Variants in OGT observed in about 807,000 individuals in gnomAD.
The protein encoded by OGT is O-linked N-acetylglucosamine (GlcNAc) transferase.
A neutral mutation model predicts 75.8 loss-of-function variants in OGT; 3 were observed. The observed-to-expected ratio is 0.04, with a 90% CI of 0.02 to 0.10. The LOEUF (loss-of-function observed/expected upper bound fraction) is 0.10. Among genes scored for constraint, OGT ranks in the 10% least tolerant of loss-of-function variants. OGT has a pLI of 1.00. For missense variants in OGT, 260 were observed against 824.4 expected (o/e 0.32, Z 8.38); for synonymous variants, 257 against 289.7 (o/e 0.89, Z 1.15).
chrX:71,555,134 TTGTGTGTGTGTGTGTGTGTGTGTGTG>T, intron 6 of OGT, 30 bp from the exon 7 acceptor site: 2 of 541,450 alleles, frequency 3.7e-6, no homozygotes, highest in East Asian at 4.1e-5. Flanking sequence ...GAGTTACATT[TTGTGTGTGTGTGTGTGTGTGTGTGTG>T]TGTGTGTGTG....
chrX:71,556,120 A>G lies in OGT; in HGVS notation c.1065+26A>G, dbSNP rs1280565015. 8 of 1,196,817 alleles carry G rather than the reference A, an allele frequency of 6.7e-6. No individual in the cohort carries two copies. In the African/African-American group the frequency reaches 1.4e-4, roughly 21 times the overall value. On this transcript the variant is annotated intron_variant, in intron 8 of 21. Transcript: ENST00000373719. ...GTATGTGAGGGTGGTGTAGCTGGGC[A>G]TTTAGCATGATAGTAGAGGGAAAGC...
At chrX:71,551,129 A>G (rs1228824306) in intron 5 of OGT, among the ~76,000 whole-genome samples, 1 of 112,365 alleles carries the variant, frequency 8.9e-6, no homozygotes, top group Non-Finnish European at 1.9e-5. Flanking sequence ...GTATACGTGG[A>G]TCAAACCATC....
chrX:71,556,026 C>G lies in OGT; in HGVS notation c.997C>G (p.Leu333Val). 8.3e-7 allele frequency: 1 copy of G among 1,211,249 alleles called. No individual in the cohort carries two copies. The highest frequency in any genetic ancestry group is 1.1e-6 in the Non-Finnish European group (1 of 895,009). Residue 333 changes from leucine to valine, a missense_variant, in exon 8 of 22, where the codon CTA (leucine) becomes GTA (valine). Transcript: ENST00000373719. Reference protein sequence around the residue: ...CPTHADSLNNLANIKREQGNI... With the variant: ...CPTHADSLNNVANIKREQGNI... ...CACCCATGCAGACTCTCTGAATAACCTAGCCAATATCAAACGAGAACAGGG... is the reference window on the plus strand; with the variant it reads ...CACCCATGCAGACTCTCTGAATAACGTAGCCAATATCAAACGAGAACAGGG...
At chrX:71,557,471 A>G in intron 11 of OGT, 22 bp from the exon 12 acceptor site, 1 of 1,194,874 alleles carries the variant, frequency 8.4e-7, no homozygotes, top group Non-Finnish European at 1.1e-6. Context: ...TCTGGATAAT[A>G]ACTTGTTTTT....
At chrX:71,562,353 T>A (rs2040390552) in intron 15 of OGT, among the ~76,000 whole-genome samples, 1 of 112,625 alleles carries the variant, frequency 8.9e-6, no homozygotes, top group Non-Finnish European at 1.9e-5. Flanking sequence ...TGATCCCAGC[T>A]ATTTGGGAGG....
chrX:71,543,768 A>G (rs11094204), intron 3 of OGT, among the ~76,000 whole-genome samples: 5,395 of 33,602 alleles, frequency 0.16, 171 homozygotes, highest in East Asian at 0.5. Context: ...GTGTGTGTGT[A>G]TATATATATA....
At chrX:71,547,821 C>A in intron 4 of OGT, 86 bp from the exon 5 acceptor site, 1 of 1,114,042 alleles carries the variant, frequency 9.0e-7, no homozygotes, top group Non-Finnish European at 1.2e-6. Context: ...CCCCCTCCCC[C>A]CAATCTTTTT....
intron 4 of OGT, 186 bp downstream of exon 4, chrX:71,544,821 G>T: frequency 2.4e-6 from 1 of 423,643 alleles, no homozygotes; most frequent in Non-Finnish European, 4.1e-6. Context: ...AAATCTGGGG[G>T]TAAAGCAAGA....
At chrX:71,548,319 A>G in intron 5 of OGT, among the ~76,000 whole-genome samples, 1 of 111,629 alleles carries the variant, frequency 9.0e-6, no homozygotes, top group African/African-American at 3.3e-5. Context: ...ACACACTATT[A>G]TAAAATAAGA....
chrX:71,550,465 C>T (rs1489408271), intron 5 of OGT, among the ~76,000 whole-genome samples: 2 of 111,182 alleles, frequency 1.8e-5, no homozygotes, highest in Non-Finnish European at 3.8e-5. Flanking sequence ...CTCACTGCAA[C>T]CTCGAACTCC....
intron 21 of OGT, among the ~76,000 whole-genome samples, chrX:71,568,586 G>C (rs944070218): frequency 8.9e-6 from 1 of 111,737 alleles, no homozygotes; most frequent in African/African-American, 3.3e-5. Context: ...TCAGCACTTT[G>C]GGAGGCTTAG....
At chrX:71,543,752 GTGTGTGTGTGTGTGTATA>G (rs1286671244) in intron 3 of OGT, among the ~76,000 whole-genome samples, 3 of 64,081 alleles carry the variant, frequency 4.7e-5, no homozygotes, top group Non-Finnish European at 7.2e-5. Flanking sequence ...GTGTGTGTGT[GTGTGTGTGTGTGTGTATA>G]TATATATATA....
Position 71,574,579 on chromosome X carries a change from A to G in OGT, c.*785A>G, listed in dbSNP as rs1467509522. ...CATCTGGTGCCAAATGAAGATTTTT[A>G]GGAGTGATTACTAATTATCAAGGGC... On this transcript the variant is annotated 3_prime_UTR_variant, in exon 22 of 22. Coordinates refer to ENST00000373719, the MANE Select transcript of OGT (RefSeq NM_181672.3). 9.0e-6 allele frequency: 1 copy of G among 110,929 alleles called. No homozygotes were observed. Among genetic ancestry groups the G allele is most frequent in the African/African-American group, 3.3e-5 (1 of 30,431 alleles). 9.1% of individuals were successfully genotyped at this position (110,929 alleles called of 1,213,427 possible). A position where few individuals can be genotyped will look rare whatever the true frequency, so the allele number is the denominator to read the frequency against.
chrX:71,543,856 G>A (rs111524565), intron 3 of OGT, among the ~76,000 whole-genome samples: 1,218 of 104,813 alleles, frequency 0.012, 18 homozygotes, highest in African/African-American at 0.035. Context: ...GCACGATCTC[G>A]GCTAACTGCA....
chrX:71,547,939 G>A lies in OGT; in HGVS notation c.564G>A (p.Pro188=), dbSNP rs764536052. ...ATTTGAAAGCAATTGAGACGCAACC[G>A]AACTTTGCAGTAGCTTGGAGTAATC... ...ACYLKAIETQ[P]NFAVAWSNLG... Residue 188 remains proline, a synonymous_variant, in exon 5 of 22, where the codon CCG becomes CCA. Transcript: ENST00000373719. 5 of 1,203,088 alleles carry A rather than the reference G, an allele frequency of 4.2e-6. No homozygotes were observed. The South Asian group carries it at 8.8e-5, about 21-fold the overall frequency.
At chrX:71,566,428 C>T (rs963221990) in intron 19 of OGT, among the ~76,000 whole-genome samples, 19 of 111,848 alleles carry the variant, frequency 1.7e-4, no homozygotes, top group Non-Finnish European at 2.6e-4. Flanking sequence ...CTTAGAGTTA[C>T]GGCGGAAAAG....
At chrX:71,571,612 T>C (rs1386108921) in intron 21 of OGT, among the ~76,000 whole-genome samples, 1 of 112,215 alleles carries the variant, frequency 8.9e-6, no homozygotes, top group African/African-American at 3.2e-5. Flanking sequence ...TTGCCCAGGC[T>C]GGTCTCAAAC....
At position 71,563,035 on chromosome X, in the gene OGT, C is replaced by A; in HGVS notation, c.2148+18C>A. On this transcript the variant is annotated intron_variant, in intron 16 of 21. Transcript: ENST00000373719. ...ACCTGAAGGTAGGTATGAAACAGTG[C>A]TATGGACGAATTTCAAAGAACTGTA... 2.5e-6 allele frequency: 3 copies of A among 1,198,735 alleles called. No individual in the cohort carries two copies. Among genetic ancestry groups the A allele is most frequent in the Non-Finnish European group, 3.4e-6 (3 of 885,093 alleles).
intron 5 of OGT, among the ~76,000 whole-genome samples, chrX:71,553,830 G>T (rs937984091): frequency 1.1e-4 from 12 of 111,817 alleles, no homozygotes; most frequent in African/African-American, 3.9e-4. Context: ...TATCTTTCTT[G>T]ATCAGTGTTT....
Sources: gnomAD v4.1 joint callset for allele counts (sites outside exome capture counted in the v4.1 genomes callset) on GRCh38, gnomAD v4.1.1 for gene constraint, MANE v1.5 for transcripts, NCBI Gene and HGNC (gene_info 2026-07-23, HGNC 2026-07-21) for gene names.